The following CDK11B variants were observed in gnomAD, a reference collection of about 807,000 sequenced individuals.
CDK11B encodes the protein cyclin dependent kinase 11B, also known as cyclin-dependent kinase 11B.
Under a neutral mutation model 84.0 loss-of-function variants are expected in CDK11B, and 37 were observed. The ratio of observed to expected loss-of-function variants is 0.44; its 90% CI spans 0.34 to 0.58. The LOEUF is 0.58. Among genes scored for constraint, CDK11B ranks in the 20% least tolerant of loss-of-function variants. The pLI is 0.02. For synonymous variants in CDK11B, 269 were observed against 309.8 expected (o/e 0.87, Z 1.38); for missense variants, 427 against 834.0 (o/e 0.51, Z 6.01).
Position 1,649,871 on chromosome 1 carries a change from G to A in CDK11B, c.356-234C>T, listed in dbSNP as rs1219069543. The stretch of plus-strand genomic sequence containing the variant: ...GCACCTGTAATCCCAGCTACTAAGC[G>A]AGGCTGAGGCAGAAGAATTGCTTGA... On this transcript the variant is annotated intron_variant, in intron 4 of 19. Transcript: ENST00000341832. 6.6e-5 allele frequency among the ~76,000 whole-genome samples: 10 copies of A among 150,388 alleles called. No homozygotes were observed. In the South Asian group the frequency reaches 8.4e-4, roughly 13 times the overall value.
At chr1:1,649,914 TG>T (rs1329908863) in intron 4 of CDK11B, among the ~76,000 whole-genome samples, 4 of 142,534 alleles carry the variant, frequency 2.8e-5, no homozygotes, top group African/African-American at 8.0e-5. Flanking sequence ...AGGCGGAGGT[TG>T]CAGTGAGCCG....
chr1:1,650,609 CCGG>C (rs1379345153), intron 4 of CDK11B, among the ~76,000 whole-genome samples: 1 of 150,360 alleles, frequency 6.7e-6, no homozygotes, highest in Non-Finnish European at 1.5e-5. Context: ...TCGTGATCTG[CCGG>C]CCTCGGCCTC....
At chr1:1,651,515 CTAGAG>C (rs1642000611) in intron 4 of CDK11B, among the ~76,000 whole-genome samples, 1 of 147,898 alleles carries the variant, frequency 6.8e-6, no homozygotes, top group Admixed American at 6.7e-5. Context: ...ACGCTTTCAG[CTAGAG>C]TACTCTCTCT....
rs1411028771 is a variant in CDK11B, at chr1:1,650,138, C to T, written c.356-501G>A. 3.6e-3 allele frequency among the ~76,000 whole-genome samples: 543 copies of T among 149,312 alleles called. 7 individuals carry two copies. The highest frequency in any genetic ancestry group is 0.012 in the African/African-American group (500 of 40,572). The stretch of plus-strand genomic sequence containing the variant: ...ACAAAAAATTAGCTGGGTGTGGTGG[C>T]GGGCACCTGTAGTCCCAGCTACTCG... On this transcript the variant is annotated intron_variant, in intron 4 of 19. Coordinates refer to ENST00000341832, the MANE Select transcript of CDK11B (RefSeq NM_033486.3).
At chr1:1,655,734 C>G (rs776820000) in intron 2 of CDK11B, among the ~76,000 whole-genome samples, 1 of 151,914 alleles carries the variant, frequency 6.6e-6, no homozygotes, top group Non-Finnish European at 1.5e-5. Context: ...CCACCCTGGA[C>G]AACACAGTGA....
intron 9 of CDK11B, 104 bp from the exon 10 acceptor site, chr1:1,641,217 T>C: frequency 3.8e-6 from 6 of 1,563,630 alleles, no homozygotes; most frequent in Non-Finnish European, 4.4e-6. Context: ...TTCCCAAGAA[T>C]GGATATGCAG....
Position 1,636,335 on chromosome 1 carries a change from G to C in CDK11B, c.2064C>G (p.Asn688Lys), listed in dbSNP as rs1193412235. The part of the protein sequence containing the change: ...LLSDQGFDLM[N>K]KFLTYFPGRR... ...CCACCCGGCTGCACTGGGCTCACTTGTTCATGAGGTCGAAGCCCTGGTCTG... is the reference window on the plus strand; with the variant it reads ...CCACCCGGCTGCACTGGGCTCACTTCTTCATGAGGTCGAAGCCCTGGTCTG... Residue 688 changes from asparagine (N) to lysine (K), a missense_variant and splice_region_variant, in exon 18 of 20, where the codon AAC (asparagine) becomes AAG (lysine). Physicochemically the swap from Asn to Lys is moderately conservative, Grantham distance 94 (BLOSUM62 0). Coordinates refer to ENST00000341832, the MANE Select transcript of CDK11B (RefSeq NM_033486.3). 1 of 1,568,846 alleles carries C rather than the reference G, an allele frequency of 6.4e-7. No homozygotes were observed. Among genetic ancestry groups the C allele is most frequent in the Non-Finnish European group, 8.6e-7 (1 of 1,157,642 alleles).
chr1:1,653,434 C>G (rs760196942), intron 3 of CDK11B, among the ~76,000 whole-genome samples: 2 of 152,052 alleles, frequency 1.3e-5, no homozygotes, highest in Non-Finnish European at 2.9e-5. Context: ...AATTCTCCTG[C>G]CTCAGCCTCC....
At chr1:1,648,094 G>A (rs1294825863) in intron 5 of CDK11B, among the ~76,000 whole-genome samples, 13 of 152,258 alleles carry the variant, frequency 8.5e-5, no homozygotes, top group Non-Finnish European at 1.8e-4. Flanking sequence ...GGCGTCATGC[G>A]GTCCTCTGGC....
At chr1:1,639,548 C>T (rs116064804) in intron 11 of CDK11B, among the ~76,000 whole-genome samples, 3 of 152,012 alleles carry the variant, frequency 2.0e-5, no homozygotes, top group South Asian at 2.1e-4. Context: ...CCTACCCCTC[C>T]GTGTACCTTG....
At chr1:1,647,132 A>G (rs550198562) in intron 5 of CDK11B, among the ~76,000 whole-genome samples, 46 of 152,290 alleles carry the variant, frequency 3.0e-4, no homozygotes, top group Non-Finnish European at 6.5e-4. Flanking sequence ...CGGGTTTCTG[A>G]GGCTCTGTGC....
In CDK11B at chr1:1,641,103, A is replaced by G. The variant is rs1443234805; in HGVS notation, c.1020T>C (p.Ser340=). 6 of 1,590,950 alleles carry G rather than the reference A, an allele frequency of 3.8e-6. No homozygotes were observed. The East Asian group carries it at 1.3e-4, about 36-fold the overall frequency. The change falls in exon 10 of 20, where the codon AGT becomes AGC. Residue 340 remains serine (S), a synonymous_variant. Transcript: ENST00000341832. The part of the protein sequence containing the change: ...EASEQSAEEV[S]EEEMSEDEER... ...CTTCATCTTCACTCATTTCTTCCTC[A>G]CTTACTTCTTCTGCAAGAGAAAGGA...
chr1:1,656,594 C>T (rs1642783913), intron 2 of CDK11B, among the ~76,000 whole-genome samples: 1 of 152,086 alleles, frequency 6.6e-6, no homozygotes, highest in Non-Finnish European at 1.5e-5. Context: ...TTAAGATCAT[C>T]CTGGCTGACA....
intron 4 of CDK11B, among the ~76,000 whole-genome samples, chr1:1,650,541 CT>C (rs1404074975): frequency 1.3e-5 from 2 of 150,090 alleles, no homozygotes. Flanking sequence ...AATTTTTTGT[CT>C]TTTTAGTAGA....
intron 2 of CDK11B, among the ~76,000 whole-genome samples, chr1:1,655,755 C>T (rs1460054841): frequency 1.3e-5 from 2 of 152,000 alleles, no homozygotes; most frequent in African/African-American, 2.4e-5. Flanking sequence ...AACCCCATCT[C>T]TACTAAAAAT....
In CDK11B at chr1:1,636,967, G is replaced by A. The variant is rs948513727; in HGVS notation, c.1730C>T (p.Pro577Leu). ...CACGACCGGGGTGTAGGCCTTCAGA[G>A]GGGATCCGTACTCCCGCGCCAGCCC... is the stretch of plus-strand genomic sequence containing the variant. ...DFGLAREYGSPLKAYTPVVVT... is the reference protein window; with the variant it reads ...DFGLAREYGSLLKAYTPVVVT... Residue 577 changes from proline to leucine, a missense_variant, in exon 16 of 20, where the codon CCT becomes CTT. Around this residue, in one of 12 missense-constraint regions of CDK11B, gnomAD observed 170 missense variants for 196.0 expected, o/e 0.87. Coordinates refer to ENST00000341832, the MANE Select transcript of CDK11B (RefSeq NM_033486.3). The A allele has an allele frequency of 2.5e-6, 4 of 1,610,740 alleles. No homozygotes were observed. The highest frequency in any genetic ancestry group is 3.4e-6 in the Non-Finnish European group (4 of 1,178,198).
At position 1,638,616 on chromosome 1, in the gene CDK11B, T is replaced by A. The variant is rs764221421; in HGVS notation, c.1252-26A>T. 3.8e-6 allele frequency: 4 copies of A among 1,047,298 alleles called. No homozygotes were observed. The East Asian group carries it at 9.9e-5, about 26-fold the overall frequency. The allele number at this position is 1,047,298 out of a possible 1,614,324, so 64.9% of individuals were successfully genotyped here. A position where few individuals can be genotyped will look rare whatever the true frequency, so the allele number is the denominator to read the frequency against. ...CTGGGAAGGAAGCGCCTGTGTGAGG[T>A]CTCAGTGGCCATGCCAGCTGGAGGG... On this transcript the variant is annotated intron_variant, in intron 11 of 19. Coordinates refer to ENST00000341832, the MANE Select transcript of CDK11B (RefSeq NM_033486.3).
intron 3 of CDK11B, among the ~76,000 whole-genome samples, 160 bp from the exon 4 acceptor site, chr1:1,652,726 CT>C (rs1261566383): frequency 1.3e-5 from 2 of 152,120 alleles, no homozygotes; most frequent in African/African-American, 2.4e-5. Context: ...CTTTAGGCAT[CT>C]TTTTTTTCTT....
In CDK11B at chr1:1,636,777, T is replaced by C. The variant is rs1295978790; in HGVS notation, c.1822A>G (p.Met608Val). 4 of 1,613,726 alleles carry C rather than the reference T, an allele frequency of 2.5e-6. No individual in the cohort carries two copies. The highest frequency in any genetic ancestry group is 2.2e-5 in the East Asian group (1 of 44,878). Residue 608 changes from methionine (M) to valine (V), a missense_variant, in exon 17 of 20, where the codon ATG (methionine) becomes GTG (valine). Around this residue, in one of 12 missense-constraint regions of CDK11B, gnomAD observed 170 missense variants for 196.0 expected, o/e 0.87. Transcript: ENST00000341832. ...CCGAAGATGCAACCCACTGACCACA[T>C]GTCCACGGCCGTGGAGTATTCCTAA... Reference protein sequence around the residue: ...GAKEYSTAVDMWSVGCIFGEL... With the variant: ...GAKEYSTAVDVWSVGCIFGEL...
Sources: allele counts gnomAD v4.1 joint callset (sites outside exome capture counted in the v4.1 genomes callset), GRCh38; gene constraint gnomAD v4.1.1; regional missense constraint gnomAD v4.1.1; transcripts MANE v1.5; gene names NCBI Gene and HGNC (gene_info 2026-07-23, HGNC 2026-07-21).